LRRC75A: variants seen among roughly 807,000 people sequenced by gnomAD.
The protein encoded by LRRC75A is leucine rich repeat containing 75A.
In LRRC75A, 12 loss-of-function variants were observed where a neutral mutation model predicts 26.0. That is an observed-to-expected ratio of 0.46 (90% CI 0.30 to 0.75). LRRC75A has a LOEUF of 0.75. Among genes scored for constraint, LRRC75A ranks in the 30% least tolerant of loss-of-function variants. The pLI is 0.08. For missense variants in LRRC75A, 410 were observed against 486.6 expected (o/e 0.84, Z 1.48); for synonymous variants, 223 against 219.3 (o/e 1.02, Z -0.15).
rs188016575 is a variant in LRRC75A at position 16,476,576 on chromosome 17, T to C, written c.247-14190A>G. Among the ~76,000 whole-genome samples, 327 of 151,786 alleles carry C rather than the reference T, an allele frequency of 2.2e-3. 2 individuals are homozygous for C. The highest frequency in any genetic ancestry group is 7.6e-3 in the African/African-American group (313 of 41,404). The stretch of plus-strand genomic sequence containing the variant: ...ACATGTAGGTATTTCAGATTTCTTT[T>C]TTTTTTGAGGCTGAATTTCACTCTG... On this transcript the variant is annotated intron_variant, in intron 1 of 3. Coordinates refer to ENST00000470794, the MANE Select transcript of LRRC75A (RefSeq NM_001113567.3).
chr17:16,480,799 C>T (rs2093832241), intron 1 of LRRC75A, among the ~76,000 whole-genome samples: 1 of 152,216 alleles, frequency 6.6e-6, no homozygotes, highest in Admixed American at 6.5e-5. Flanking sequence ...CCCTCTTCTA[C>T]CCTGCCTGTG....
At chr17:16,486,342 T>A (rs1236827574) in intron 1 of LRRC75A, among the ~76,000 whole-genome samples, 3 of 152,096 alleles carry the variant, frequency 2.0e-5, no homozygotes, top group Non-Finnish European at 2.9e-5. Context: ...CACCAGACCC[T>A]AAAGTCAGAA....
At chr17:16,457,457 C>A (rs2093694003) in intron 2 of LRRC75A, among the ~76,000 whole-genome samples, 2 of 152,172 alleles carry the variant, frequency 1.3e-5, no homozygotes, top group Admixed American at 1.3e-4. Flanking sequence ...GACCAGAGGG[C>A]AGGAGGAGAG....
At chr17:16,454,589 GC>G (rs1161477887) in intron 2 of LRRC75A, among the ~76,000 whole-genome samples, 7 of 151,936 alleles carry the variant, frequency 4.6e-5, no homozygotes, top group Non-Finnish European at 1.0e-4. Context: ...TGCTCGGAAG[GC>G]TGAGGCAGGA....
chr17:16,466,297 G>A (rs991789647), intron 1 of LRRC75A, among the ~76,000 whole-genome samples: 1 of 152,180 alleles, frequency 6.6e-6, no homozygotes, highest in Non-Finnish European at 1.5e-5. Context: ...CCCTGGGAAT[G>A]GGCTCCTTTC....
chr17:16,486,040 G>A (rs1484843195), intron 1 of LRRC75A, among the ~76,000 whole-genome samples: 6 of 152,172 alleles, frequency 3.9e-5, no homozygotes, highest in Non-Finnish European at 5.9e-5. Flanking sequence ...GAGAGAGAAC[G>A]CCAGGGACAG....
intron 2 of LRRC75A, chr17:16,448,173 G>A: frequency 1.7e-6 from 1 of 571,448 alleles, no homozygotes. Flanking sequence ...TTAGTTGCTA[G>A]CATTGAAAAA....
At chr17:16,458,646 G>T (rs1014637338) in intron 2 of LRRC75A, among the ~76,000 whole-genome samples, 2 of 152,002 alleles carry the variant, frequency 1.3e-5, no homozygotes, top group Non-Finnish European at 2.9e-5. Context: ...TGTATTTTTA[G>T]TAGAGATGGG....
intron 1 of LRRC75A, among the ~76,000 whole-genome samples, chr17:16,489,011 A>G (rs995439434): frequency 6.6e-6 from 1 of 152,038 alleles, no homozygotes; most frequent in Admixed American, 6.6e-5. Context: ...AGAGATTCTG[A>G]GCTTGGAGTC....
At chr17:16,480,414 G>C (rs1472460684) in intron 1 of LRRC75A, among the ~76,000 whole-genome samples, 2 of 152,066 alleles carry the variant, frequency 1.3e-5, no homozygotes, top group Non-Finnish European at 2.9e-5. Context: ...CGGAATGCCT[G>C]AGCTCAGGAG....
In LRRC75A at chr17:16,491,687, C is replaced by A. The variant is rs375480642; in HGVS notation, c.246+58G>T. The A allele has an allele frequency of 1.3e-4, 158 of 1,211,202 alleles. No individual in the cohort carries two copies. The highest frequency in any genetic ancestry group is 3.2e-4 in the Middle Eastern group (1 of 3,140). 75.0% of individuals were successfully genotyped at this position (1,211,202 alleles called of 1,614,324 possible). On this transcript the variant is annotated intron_variant, in intron 1 of 3. Transcript: ENST00000470794. The surrounding 1 kb of genome is among the most constrained non-coding windows in gnomAD (Gnocchi z 5.9). ...CCTCGGTTAGGGATGGGGCGCCCCCCCCGGCCCAGCACGCCCCCTGGCCCG... is the reference window on the plus strand; with the variant it reads ...CCTCGGTTAGGGATGGGGCGCCCCCACCGGCCCAGCACGCCCCCTGGCCCG...
chr17:16,485,942 C>A (rs1026841799), intron 1 of LRRC75A, among the ~76,000 whole-genome samples: 2 of 152,112 alleles, frequency 1.3e-5, no homozygotes, highest in Non-Finnish European at 2.9e-5. Context: ...GCTTCCACCC[C>A]ACAGGTTACA....
intron 2 of LRRC75A, among the ~76,000 whole-genome samples, chr17:16,457,242 C>T (rs2093692769): frequency 6.6e-6 from 1 of 152,198 alleles, no homozygotes; most frequent in African/African-American, 2.4e-5. Context: ...TTCATTCATA[C>T]ATTCATCAAA....
At chr17:16,451,634 AAT>A (rs2093631846) in intron 2 of LRRC75A, among the ~76,000 whole-genome samples, 1 of 30,814 alleles carries the variant, frequency 3.2e-5, no homozygotes, top group African/African-American at 1.1e-4. Context: ...AAAAAAAAAT[AAT>A]AATAATAATA....
In LRRC75A at chr17:16,462,146, T is replaced by TGTCCTCCTTGGGCCTGTCTGCCA; in HGVS notation, c.375+89_375+111dup. On this transcript the variant is annotated intron_variant, in intron 2 of 3. Transcript: ENST00000470794. This position sits in a 1 kb window ranked among gnomAD's most constrained non-coding sequence, Gnocchi z 4.6. ...GCTCTTGGTGCCTGGAGGACGGGCT[T>TGTCCTCCTTGGGCCTGTCTGCCA]GTCCTCCTTGGGCCTGTCTGCCAGT... The TGTCCTCCTTGGGCCTGTCTGCCA allele has an allele frequency of 2.2e-6, 3 of 1,375,662 alleles. No homozygotes were observed. The highest frequency in any genetic ancestry group is 3.0e-6 in the Non-Finnish European group (3 of 1,009,196). The allele number at this position is 1,375,662 out of a possible 1,614,324, so 85.2% of individuals were successfully genotyped here. A position where few individuals can be genotyped will look rare whatever the true frequency, so the allele number is the denominator to read the frequency against.
intron 1 of LRRC75A, among the ~76,000 whole-genome samples, chr17:16,487,222 G>A (rs1315748308): frequency 2.0e-5 from 3 of 152,206 alleles, no homozygotes; most frequent in Non-Finnish European, 2.9e-5. Context: ...CATTCCAGGT[G>A]GAGGAAGAAG....
intron 1 of LRRC75A, among the ~76,000 whole-genome samples, chr17:16,490,588 G>A (rs963219786): frequency 6.6e-6 from 1 of 152,110 alleles, no homozygotes; most frequent in African/African-American, 2.4e-5. Context: ...ACATACTTTA[G>A]GGTAAGAGCG....
intron 1 of LRRC75A, among the ~76,000 whole-genome samples, chr17:16,473,465 T>G (rs1044824193): frequency 3.3e-5 from 5 of 152,066 alleles, no homozygotes; most frequent in African/African-American, 1.2e-4. Flanking sequence ...TCTTGGGGGT[T>G]GCCTCTCGAG....
Position 16,443,705 on chromosome 17 carries a change from G to A in LRRC75A, c.918C>T (p.Gly306=). Residue 306 remains glycine (G), a synonymous_variant, in exon 4 of 4, where the codon GGC becomes GGT. Coordinates refer to ENST00000470794, the MANE Select transcript of LRRC75A (RefSeq NM_001113567.3). ...TCCCTTCCCGGACCTCCTCCCCACT[G>A]CCTGGGCCCTCACCCAGCTCCAGGA... ...PTILELGEGP[G]SGEEVREGTV... is the part of the protein sequence containing the mutation. 6.2e-7 allele frequency: 1 copy of A among 1,612,348 alleles called. No individual in the cohort carries two copies. Among genetic ancestry groups the A allele is most frequent in the East Asian group, 2.2e-5 (1 of 44,808 alleles).
Sources: gnomAD v4.1 joint callset for allele counts (sites outside exome capture counted in the v4.1 genomes callset) on GRCh38, gnomAD v4.1.1 for gene constraint, Gnocchi (gnomAD v3.1) non-coding constraint, MANE v1.5 for transcripts, NCBI Gene and HGNC (gene_info 2026-07-23, HGNC 2026-07-21) for gene names.